The following FAIM variants were observed in gnomAD, a reference collection of about 807,000 sequenced individuals.
FAIM encodes the protein fas apoptotic inhibitory molecule 1.
A neutral mutation model predicts 21.2 loss-of-function variants in FAIM; 14 were observed. That is an observed-to-expected ratio of 0.66 (90% CI 0.44 to 1.03). FAIM has a LOEUF of 1.03. Ranked by LOEUF, FAIM falls within the 50% of genes least tolerant of loss-of-function variation. The pLI, the probability that FAIM is intolerant of heterozygous loss-of-function variation, is 0.00. For synonymous variants in FAIM, 86 were observed against 80.4 expected (o/e 1.07, Z -0.37); for missense variants, 222 against 247.1 (o/e 0.90, Z 0.68).
chr3:138,627,825 C>CT (rs892173126), intron 4 of FAIM, among the ~76,000 whole-genome samples: 1 of 152,260 alleles, frequency 6.6e-6, no homozygotes, highest in Non-Finnish European at 1.5e-5. Context: ...TCTCCCATCT[C>CT]TAAGTGAGGC....
chr3:138,630,058 T>C (rs886443121), intron 5 of FAIM: 6 of 151,476 alleles, frequency 4.0e-5, no homozygotes, highest in Admixed American at 3.3e-4. Flanking sequence ...AAGCAGGGAG[T>C]GCTATCCCTG....
At chr3:138,621,308 T>A in intron 2 of FAIM, 99 bp from the exon 3 acceptor site, 1 of 1,261,256 alleles carries the variant, frequency 7.9e-7, no homozygotes, top group South Asian at 1.3e-5. Flanking sequence ...TATTTTGACA[T>A]TTTAGAGGTT....
At chr3:138,609,299 G>T (rs1214673630) in intron 1 of FAIM, among the ~76,000 whole-genome samples, 3 of 151,634 alleles carry the variant, frequency 2.0e-5, no homozygotes, top group African/African-American at 7.3e-5. Context: ...TGCCTAGCGA[G>T]GCCCTGCCCC....
rs1394882874 is a variant in FAIM at position 138,622,194 on chromosome 3, A to G, written c.184A>G (p.Ile62Val). 6 of 1,601,694 alleles carry G rather than the reference A, an allele frequency of 3.7e-6. No homozygotes were observed. Among genetic ancestry groups the G allele is most frequent in the South Asian group, 2.3e-5 (2 of 88,018 alleles). The change falls in exon 4 of 6, where the codon ATA (isoleucine) becomes GTA (valine). Residue 62 changes from isoleucine (I) to valine (V), a missense_variant. Physicochemically the swap from Ile to Val is conservative, Grantham distance 29. Transcript: ENST00000360570. ...TTTCTGTTTTATTATGTAGGAAGAG[A>G]TAAGAAAAGAGTGGATGTTCAAATT... is the stretch of plus-strand genomic sequence containing the variant. Reference protein sequence around the residue: ...RVVYVDGKEEIRKEWMFKLVG... With the variant: ...RVVYVDGKEEVRKEWMFKLVG...
chr3:138,626,194 C>T (rs1353954900), intron 4 of FAIM, among the ~76,000 whole-genome samples: 3 of 152,184 alleles, frequency 2.0e-5, no homozygotes, highest in Non-Finnish European at 4.4e-5. Flanking sequence ...AGCAGCAACT[C>T]CCATGAGTCA....
chr3:138,613,685 A>G (rs754835506), intron 1 of FAIM, among the ~76,000 whole-genome samples: 143 of 151,796 alleles, frequency 9.4e-4, no homozygotes, highest in Non-Finnish European at 1.6e-3. Context: ...GGGTCTCCCT[A>G]TGTTGCCCAG....
intron 4 of FAIM, among the ~76,000 whole-genome samples, chr3:138,627,670 G>C (rs570601938): frequency 1.1e-4 from 17 of 152,244 alleles, no homozygotes; most frequent in African/African-American, 4.1e-4. Flanking sequence ...TGTGTGCACT[G>C]ATCATGTCTT....
chr3:138,613,098 T>A (rs2108334437), intron 1 of FAIM, among the ~76,000 whole-genome samples: 1 of 151,260 alleles, frequency 6.6e-6, no homozygotes, highest in East Asian at 2.0e-4. Context: ...TACTGCAGCC[T>A]CCGCCTCCTG....
intron 4 of FAIM, among the ~76,000 whole-genome samples, chr3:138,628,687 A>G (rs1162011506): frequency 2.0e-5 from 3 of 151,898 alleles, no homozygotes; most frequent in Admixed American, 6.6e-5. Flanking sequence ...GTTTCACCGT[A>G]TTAGCCAGGA....
intron 4 of FAIM, among the ~76,000 whole-genome samples, chr3:138,626,967 G>T (rs1355380294): frequency 6.6e-6 from 1 of 151,994 alleles, no homozygotes; most frequent in African/African-American, 2.4e-5. Context: ...AGTTTCTTTT[G>T]TATTTCCTTT....
chr3:138,617,388 A>G (rs1577008939), intron 1 of FAIM, among the ~76,000 whole-genome samples: 1 of 145,354 alleles, frequency 6.9e-6, no homozygotes, highest in African/African-American at 2.5e-5. Context: ...TGTATGTATA[A>G]TATGTATATA....
Position 138,622,364 on chromosome 3 carries a change from C to G in FAIM, c.354C>G (p.Thr118=). ...AGTATATGGAGGACAGATCAAAAAC[C>G]ACCAATACTTGGGTATTACACATGG... ...LKKYMEDRSK[T]TNTWVLHMDG... The change falls in exon 4 of 6, where the codon ACC becomes ACG. Residue 118 remains threonine (T), a synonymous_variant. Transcript: ENST00000360570. The G allele has an allele frequency of 4.3e-6, 7 of 1,612,952 alleles. No homozygotes were observed. The highest frequency in any genetic ancestry group is 1.3e-5 in the African/African-American group (1 of 74,872).
At chr3:138,629,462 T>A in intron 5 of FAIM, 1 of 218,028 alleles carries the variant, frequency 4.6e-6, no homozygotes, top group East Asian at 9.6e-5. Context: ...AAAAATTATA[T>A]CCCCAGAGGT....
intron 4 of FAIM, among the ~76,000 whole-genome samples, chr3:138,626,826 A>G (rs914607324): frequency 4.6e-5 from 7 of 152,058 alleles, no homozygotes; most frequent in South Asian, 2.1e-4. Context: ...CCCGTTAGCT[A>G]TTTTCCCCAG....
At chr3:138,613,356 T>C (rs2042791793) in intron 1 of FAIM, among the ~76,000 whole-genome samples, 1 of 152,128 alleles carries the variant, frequency 6.6e-6, no homozygotes, top group Admixed American at 6.6e-5. Context: ...CTTTTGTGTT[T>C]ATGAGCAGTA....
At chr3:138,613,139 C>T (rs1263146562) in intron 1 of FAIM, among the ~76,000 whole-genome samples, 2 of 151,736 alleles carry the variant, frequency 1.3e-5, no homozygotes, top group Non-Finnish European at 2.9e-5. Context: ...CTCAGCCTCC[C>T]GAGTAGCTAG....
At chr3:138,609,622 T>TCTCTCTCTCGA (rs2042745795) in intron 1 of FAIM, among the ~76,000 whole-genome samples, 1 of 129,568 alleles carries the variant, frequency 7.7e-6, no homozygotes, top group Non-Finnish European at 1.6e-5. Context: ...CGACTCTCTC[T>TCTCTCTCTCGA]CTCTCTCTCT....
intron 5 of FAIM, chr3:138,630,404 A>G (rs1480758848): frequency 6.6e-6 from 1 of 152,200 alleles, no homozygotes; most frequent in Non-Finnish European, 1.5e-5. Flanking sequence ...GGGACCCTTG[A>G]GCCTAGGAGT....
intron 4 of FAIM, among the ~76,000 whole-genome samples, chr3:138,628,364 A>T (rs888457834): frequency 6.6e-6 from 1 of 152,134 alleles, no homozygotes; most frequent in African/African-American, 2.4e-5. Context: ...GCCATCACCC[A>T]GTTGGGTGAG....
Sources: allele counts gnomAD v4.1 joint callset (sites outside exome capture counted in the v4.1 genomes callset), GRCh38; gene constraint gnomAD v4.1.1; transcripts MANE v1.5; gene names NCBI Gene and HGNC (gene_info 2026-07-23, HGNC 2026-07-21).